Variants in SIM1 observed in about 807,000 individuals in gnomAD.
The protein encoded by SIM1 is SIM bHLH transcription factor 1.
SIM1 carries 18 observed loss-of-function variants against 78.2 expected under a neutral mutation model. The observed-to-expected ratio is 0.23, with a 90% CI of 0.16 to 0.34. The LOEUF (loss-of-function observed/expected upper bound fraction) is 0.34, where lower values mean the gene tolerates loss of function less well. SIM1 is among the 10% of genes least tolerant of loss of function. The pLI, the probability that SIM1 is intolerant of heterozygous loss-of-function variation, is 1.00. For missense variants in SIM1, 939 were observed against 975.1 expected, an observed-to-expected ratio of 0.96 and a Z score of 0.49; for synonymous variants, 417 against 385.2, an observed-to-expected ratio of 1.08 and a Z score of -0.97.
intron 9 of SIM1, among the ~76,000 whole-genome samples, chr6:100,424,270 A>G (rs1771667659): frequency 6.6e-6 from 1 of 152,078 alleles, no homozygotes; most frequent in South Asian, 2.1e-4. Flanking sequence ...TACAAATATC[A>G]ATGCTTTGGT....
Position 100,455,131 on chromosome 6 carries a change from G to T in SIM1, c.176-1287C>A, listed in dbSNP as rs184974078. ...TTTTAAAAGGTGTTGGCTAGGAGCTGCTTCCTAAGCAAGCAATCAAAGCCT... is the reference window on the plus strand; with the variant it reads ...TTTTAAAAGGTGTTGGCTAGGAGCTTCTTCCTAAGCAAGCAATCAAAGCCT... On this transcript the variant is annotated intron_variant, in intron 2 of 11. Transcript: ENST00000369208. Among the ~76,000 whole-genome samples the T allele has an allele frequency of 3.9e-5, 6 of 152,302 alleles. No homozygotes were observed. The East Asian group carries it at 9.6e-4, about 24-fold the overall frequency.
intron 9 of SIM1, among the ~76,000 whole-genome samples, chr6:100,440,048 G>A (rs1371618542): frequency 2.0e-5 from 3 of 152,160 alleles, no homozygotes; most frequent in Non-Finnish European, 4.4e-5. Flanking sequence ...TCAAGTTAAG[G>A]AGAAAACAAT....
At chr6:100,391,334 C>T (rs1444449293) in intron 11 of SIM1, among the ~76,000 whole-genome samples, 1 of 152,120 alleles carries the variant, frequency 6.6e-6, no homozygotes, top group Non-Finnish European at 1.5e-5. Context: ...TAACAAGTTT[C>T]TTAGAAGATA....
At chr6:100,448,017 ACACCAC>A in intron 8 of SIM1, 123 bp downstream of exon 8, 3 of 688,936 alleles carry the variant, frequency 4.4e-6, no homozygotes, top group African/African-American at 3.6e-5. Flanking sequence ...GAGGCCTCAC[ACACCAC>A]CACCACCCGG....
At chr6:100,445,702 C>T (rs1275562092) in intron 9 of SIM1, among the ~76,000 whole-genome samples, 1 of 152,136 alleles carries the variant, frequency 6.6e-6, no homozygotes, top group Non-Finnish European at 1.5e-5. Flanking sequence ...AAAATGATTA[C>T]TAACCACAGG....
At chr6:100,442,666 C>A (rs1375132478) in intron 9 of SIM1, among the ~76,000 whole-genome samples, 1 of 151,844 alleles carries the variant, frequency 6.6e-6, no homozygotes, top group Non-Finnish European at 1.5e-5. Context: ...TTTTGTAATA[C>A]AAAAGTGATT....
intron 10 of SIM1, among the ~76,000 whole-genome samples, chr6:100,408,833 G>A (rs1280416773): frequency 6.6e-6 from 1 of 151,916 alleles, no homozygotes; most frequent in African/African-American, 2.4e-5. Context: ...TGAGAATTTG[G>A]GTGTCTGTGT....
intron 9 of SIM1, among the ~76,000 whole-genome samples, chr6:100,444,812 T>C (rs1772313923): frequency 6.6e-6 from 1 of 152,170 alleles, no homozygotes; most frequent in Admixed American, 6.5e-5. Context: ...AGCTTATGAA[T>C]GTTGCCTCCA....
At chr6:100,457,541 G>T (rs1772699504) in intron 2 of SIM1, among the ~76,000 whole-genome samples, 1 of 152,196 alleles carries the variant, frequency 6.6e-6, no homozygotes, top group Non-Finnish European at 1.5e-5. Flanking sequence ...GCACATCCTC[G>T]CTAAATGTGT....
chr6:100,398,905 G>A (rs763195550), intron 10 of SIM1, among the ~76,000 whole-genome samples: 2 of 151,522 alleles, frequency 1.3e-5, no homozygotes, highest in African/African-American at 4.8e-5. Context: ...GGGTTCAAAT[G>A]TATCTACATC....
In SIM1 at chr6:100,393,798, A is replaced by G. The variant is rs773532530; in HGVS notation, c.1259T>C (p.Leu420Pro). Reference protein sequence around the residue: ...PLTDTASPQLLDPADRPGSQH... With the variant: ...PLTDTASPQLPDPADRPGSQH... ...GGAGCCAGGCCTATCGGCGGGGTCC[A>G]GAAGCTGCGGAGAGGCCGTGTCGGT... The change falls in exon 11 of 12, where the codon CTG (leucine) becomes CCG (proline). Residue 420 changes from leucine (L) to proline (P), a missense_variant. Coordinates refer to ENST00000369208, the MANE Select transcript of SIM1 (RefSeq NM_005068.3). The G allele has an allele frequency of 2.5e-6, 4 of 1,613,860 alleles. No individual in the cohort carries two copies. Among genetic ancestry groups the G allele is most frequent in the African/African-American group, 1.3e-5 (1 of 74,942 alleles).
intron 3 of SIM1, 129 bp from the exon 4 acceptor site, chr6:100,450,485 A>C: frequency 1.3e-6 from 1 of 747,718 alleles, no homozygotes; most frequent in Non-Finnish European, 2.3e-6. Flanking sequence ...TTTGGCAGGA[A>C]ACAGGGCATA....
intron 2 of SIM1, among the ~76,000 whole-genome samples, chr6:100,461,131 G>A (rs1307875308): frequency 2.0e-5 from 3 of 152,214 alleles, no homozygotes; most frequent in Non-Finnish European, 4.4e-5. Flanking sequence ...AAAGTAGCCA[G>A]AGGGGACCGT....
rs796157017 is a variant in SIM1 at position 100,387,708 on chromosome 6, A to C, written c.*2653T>G. On this transcript the variant is annotated 3_prime_UTR_variant, in exon 12 of 12. Transcript: ENST00000369208. Reference sequence around the variant, plus strand: ...AATTTAGTTAATTCTGTATTCTCTTAAAAATATTGGTCATGTCATTTTAAA... The same window carrying C: ...AATTTAGTTAATTCTGTATTCTCTTCAAAATATTGGTCATGTCATTTTAAA... 6 of 152,260 alleles carry C rather than the reference A, an allele frequency of 3.9e-5. No homozygotes were observed. The highest frequency in any genetic ancestry group is 1.4e-4 in the African/African-American group (6 of 41,588). 9.4% of individuals were successfully genotyped at this position (152,260 alleles called of 1,614,324 possible). A position where few individuals can be genotyped will look rare whatever the true frequency, so the allele number is the denominator to read the frequency against.
At chr6:100,425,375 C>CCAGA in intron 9 of SIM1, among the ~76,000 whole-genome samples, 1 of 152,222 alleles carries the variant, frequency 6.6e-6, no homozygotes, top group East Asian at 1.9e-4. Context: ...TGCAGTATGG[C>CCAGA]CAGAATACTT....
intron 9 of SIM1, among the ~76,000 whole-genome samples, chr6:100,430,147 T>C (rs1216630690): frequency 6.6e-6 from 1 of 152,244 alleles, no homozygotes; most frequent in Non-Finnish European, 1.5e-5. Context: ...AATGGTACAT[T>C]TGTCATTGTT....
At position 100,385,465 on chromosome 6, in the gene SIM1, G is replaced by A. The variant is rs1770496025; in HGVS notation, c.*4896C>T. ...AGGCCAATTTCATTTCTTTTGAAAT[G>A]TAAACACATCAGGGTTACCGGGTGT... On this transcript the variant is annotated 3_prime_UTR_variant, in exon 12 of 12. Transcript: ENST00000369208. 1.3e-5 allele frequency: 2 copies of A among 151,728 alleles called. No homozygotes were observed. The highest frequency in any genetic ancestry group is 4.1e-4 in the South Asian group (2 of 4,824). The allele number at this position is 151,728 out of a possible 1,614,324, so 9.4% of individuals were successfully genotyped here.
At chr6:100,432,980 C>G (rs1222007299) in intron 9 of SIM1, among the ~76,000 whole-genome samples, 1 of 152,166 alleles carries the variant, frequency 6.6e-6, no homozygotes, top group Non-Finnish European at 1.5e-5. Context: ...CTCCTTTCAT[C>G]TTCTCACATC....
At chr6:100,398,771 A>G (rs1178334582) in intron 10 of SIM1, among the ~76,000 whole-genome samples, 1 of 152,092 alleles carries the variant, frequency 6.6e-6, no homozygotes, top group African/African-American at 2.4e-5. Flanking sequence ...TTAATCCTTT[A>G]GGGTATATTA....
Sources: allele counts gnomAD v4.1 joint callset (sites outside exome capture counted in the v4.1 genomes callset), GRCh38; gene constraint gnomAD v4.1.1; transcripts MANE v1.5; gene names NCBI Gene and HGNC (gene_info 2026-07-23, HGNC 2026-07-21).